Variants in ADARB2 observed in about 807,000 individuals in gnomAD.
ADARB2 encodes the protein adenosine deaminase RNA specific B2 (inactive).
In ADARB2, 25 loss-of-function variants were observed where a neutral mutation model predicts 62.2. The observed-to-expected ratio is 0.40, with a 90% CI of 0.29 to 0.56. ADARB2 has a LOEUF of 0.56. Ranked by LOEUF, ADARB2 falls within the 20% of genes least tolerant of loss-of-function variation. ADARB2 has a pLI of 0.43. For synonymous variants in ADARB2, 572 were observed against 500.8 expected (o/e 1.14, Z -1.90); for missense variants, 1,071 against 1,077.4 (o/e 0.99, Z 0.08).
At chr10:1,564,638 C>G (rs1832833336) in intron 1 of ADARB2, among the ~76,000 whole-genome samples, 1 of 152,110 alleles carries the variant, frequency 6.6e-6, no homozygotes, top group Non-Finnish European at 1.5e-5. Flanking sequence ...GACATTTATG[C>G]AGCCAAAAAA....
intron 1 of ADARB2, among the ~76,000 whole-genome samples, chr10:1,736,729 C>A (rs1038126254): frequency 3.9e-5 from 6 of 152,322 alleles, no homozygotes; most frequent in African/African-American, 1.2e-4. Flanking sequence ...GAAGGCAGTG[C>A]CAGCCCGGCC....
chr10:1,494,415 G>T (rs1831663028), intron 1 of ADARB2, among the ~76,000 whole-genome samples: 1 of 152,144 alleles, frequency 6.6e-6, no homozygotes, highest in South Asian at 2.1e-4. Flanking sequence ...ACTTGTTGGT[G>T]AACCTGTTTG....
intron 1 of ADARB2, among the ~76,000 whole-genome samples, chr10:1,486,413 T>A (rs1191428059): frequency 6.6e-6 from 1 of 152,214 alleles, no homozygotes; most frequent in East Asian, 1.9e-4. Context: ...GTAAATCATC[T>A]GGAGAGTCGA....
intron 3 of ADARB2, among the ~76,000 whole-genome samples, chr10:1,310,603 G>C (rs1284482367): frequency 6.6e-6 from 1 of 152,204 alleles, no homozygotes. Flanking sequence ...GGGCACTGTT[G>C]CAGGCATGGG....
chr10:1,514,787 A>G (rs1237209452), intron 1 of ADARB2, among the ~76,000 whole-genome samples: 1 of 152,236 alleles, frequency 6.6e-6, no homozygotes, highest in Non-Finnish European at 1.5e-5. Context: ...TTGTGAGAAC[A>G]AGAAATCCTT....
At chr10:1,339,190 A>G (rs1832000804) in intron 3 of ADARB2, among the ~76,000 whole-genome samples, 2 of 152,230 alleles carry the variant, frequency 1.3e-5, no homozygotes, top group African/African-American at 4.8e-5. Context: ...TGGACCCCAC[A>G]GCCCAGCATA....
chr10:1,423,233 C>T (rs552750170), intron 1 of ADARB2, among the ~76,000 whole-genome samples: 10 of 152,348 alleles, frequency 6.6e-5, no homozygotes, highest in East Asian at 3.9e-4. Context: ...CCCAGCTTCA[C>T]GCCATTGCTT....
intron 1 of ADARB2, among the ~76,000 whole-genome samples, chr10:1,519,467 G>A (rs1832047325): frequency 6.6e-6 from 1 of 152,206 alleles, no homozygotes; most frequent in Non-Finnish European, 1.5e-5. Flanking sequence ...ACATCCACAT[G>A]TGGTGTCATA....
intron 1 of ADARB2, among the ~76,000 whole-genome samples, chr10:1,469,033 C>G (rs137865916): frequency 6.6e-6 from 1 of 152,208 alleles, no homozygotes; most frequent in South Asian, 2.1e-4. Context: ...AACACAGCAA[C>G]GCTTTCTCGC....
At chr10:1,595,767 T>C (rs953108005) in intron 1 of ADARB2, among the ~76,000 whole-genome samples, 1 of 152,186 alleles carries the variant, frequency 6.6e-6, no homozygotes, top group Non-Finnish European at 1.5e-5. Context: ...TTTAAAAACA[T>C]TTGTGCCGGT....
At chr10:1,611,023 G>A (rs1271848207) in intron 1 of ADARB2, among the ~76,000 whole-genome samples, 4 of 152,134 alleles carry the variant, frequency 2.6e-5, no homozygotes, top group African/African-American at 7.2e-5. Context: ...TGGTCCATAC[G>A]ACGACATCAA....
chr10:1,675,927 G>T, intron 1 of ADARB2: 22 of 895,588 alleles, frequency 2.5e-5, no homozygotes, highest in Non-Finnish European at 2.8e-5. Flanking sequence ...GCGTGGGTCA[G>T]AGTTGAATCT....
At chr10:1,256,443 T>G (rs1831080032) in intron 4 of ADARB2, among the ~76,000 whole-genome samples, 1 of 152,206 alleles carries the variant, frequency 6.6e-6, no homozygotes, top group African/African-American at 2.4e-5. Context: ...GAATGGCGCC[T>G]GCCACCACTG....
chr10:1,415,749 ATTTG>A (rs1489816558), intron 1 of ADARB2, among the ~76,000 whole-genome samples: 6 of 152,358 alleles, frequency 3.9e-5, no homozygotes, highest in East Asian at 3.9e-4. Flanking sequence ...TAGAAAAGTT[ATTTG>A]TTTGATTCTA....
intron 1 of ADARB2, among the ~76,000 whole-genome samples, chr10:1,725,590 CA>C (rs1408245022): frequency 6.6e-6 from 1 of 152,198 alleles, no homozygotes; most frequent in African/African-American, 2.4e-5. Context: ...AAGAGACGCC[CA>C]GGACCCCACA....
chr10:1,687,585 G>T lies in ADARB2; in HGVS notation c.100+49466C>A, dbSNP rs573465621. Among the ~76,000 whole-genome samples the T allele has an allele frequency of 1.1e-4, 16 of 151,234 alleles. No homozygotes were observed. In the East Asian group the frequency reaches 2.9e-3, roughly 28 times the overall value. On this transcript the variant is annotated intron_variant, in intron 1 of 9. Transcript: ENST00000381312. ...TGATTTTATAAGAGATTAAAGTTAT[G>T]CATTAGATTCAAAAATAAATTTTTA...
At chr10:1,319,226 C>T (rs1831773236) in intron 3 of ADARB2, among the ~76,000 whole-genome samples, 3 of 152,160 alleles carry the variant, frequency 2.0e-5, no homozygotes, top group African/African-American at 7.2e-5. Flanking sequence ...GAAGTAAGTT[C>T]AGTAAAGGTT....
intron 1 of ADARB2, among the ~76,000 whole-genome samples, chr10:1,439,480 A>G (rs1182928335): frequency 2.5e-4 from 30 of 118,748 alleles, no homozygotes; most frequent in Middle Eastern, 7.7e-3. Flanking sequence ...GTCCTTCACT[A>G]CGGGGCTTCT....
At chr10:1,450,908 G>A (rs187178301) in intron 1 of ADARB2, among the ~76,000 whole-genome samples, 10 of 152,340 alleles carry the variant, frequency 6.6e-5, no homozygotes, top group East Asian at 1.9e-4. Context: ...GACCCCACTG[G>A]CCCTCACCAT....
Sources: gnomAD v4.1 joint callset for allele counts (sites outside exome capture counted in the v4.1 genomes callset) on GRCh38, gnomAD v4.1.1 for gene constraint, MANE v1.5 for transcripts, NCBI Gene and HGNC (gene_info 2026-07-23, HGNC 2026-07-21) for gene names.